Variants in WDHD1 observed in about 807,000 individuals in gnomAD.
WDHD1 encodes the protein WD repeat and HMG-box DNA-binding protein 1.
Under a neutral mutation model 135.4 loss-of-function variants are expected in WDHD1, and 111 were observed. The observed-to-expected ratio is 0.82, with a 90% CI of 0.70 to 0.96. The LOEUF is 0.96. Among genes scored for constraint, WDHD1 ranks in the 40% least tolerant of loss-of-function variants. The pLI is 0.00. For missense variants in WDHD1, 1,351 were observed against 1,336.3 expected, an observed-to-expected ratio of 1.01 and a Z score of -0.17; for synonymous variants, 434 against 439.0, an observed-to-expected ratio of 0.99 and a Z score of 0.14.
At position 55,010,370 on chromosome 14, in the gene WDHD1, T is replaced by G; in HGVS notation, c.280A>C (p.Thr94Pro). The part of the protein sequence containing the change: ...GVPDGILTRF[T>P]TNANHVVFNG... ...AAGACCACATGGTTTGCATTTGTAGTGAAGCGAGTCAATATACCATCTGGA... is the reference window on the plus strand; with the variant it reads ...AAGACCACATGGTTTGCATTTGTAGGGAAGCGAGTCAATATACCATCTGGA... The change falls in exon 4 of 26, where the codon ACT becomes CCT. Residue 94 changes from threonine (T) to proline (P), a missense_variant. By Grantham distance (38) the Thr-to-Pro change is conservative. Around this residue, in one of 2 missense-constraint regions of WDHD1, gnomAD observed 1,330 missense variants for 1,296.1 expected, o/e 1.03. Transcript: ENST00000360586. 6.2e-7 allele frequency: 1 copy of G among 1,613,676 alleles called. No homozygotes were observed. Among genetic ancestry groups the G allele is most frequent in the Non-Finnish European group, 8.5e-7 (1 of 1,179,804 alleles).
At chr14:54,949,428 G>T (rs1011863974) in intron 24 of WDHD1, among the ~76,000 whole-genome samples, 5 of 152,188 alleles carry the variant, frequency 3.3e-5, no homozygotes, top group Non-Finnish European at 5.9e-5. Flanking sequence ...TGAATGAAAT[G>T]AAGCGAGAAG....
chr14:54,970,357 A>G (rs1376277858), intron 16 of WDHD1, among the ~76,000 whole-genome samples: 2 of 152,240 alleles, frequency 1.3e-5, no homozygotes, highest in African/African-American at 4.8e-5. Flanking sequence ...GCATTTTTAT[A>G]CACCAATAAT....
chr14:55,008,769 T>G, intron 4 of WDHD1, 50 bp from the exon 5 acceptor site: 56 of 1,080,204 alleles, frequency 5.2e-5, no homozygotes, highest in Non-Finnish European at 7.1e-5. Flanking sequence ...CACAAAGGCC[T>G]CTCCTAAAAG....
At chr14:55,010,517 T>C in intron 3 of WDHD1, 57 bp from the exon 4 acceptor site, 1 of 1,376,036 alleles carries the variant, frequency 7.3e-7, no homozygotes, top group Non-Finnish European at 9.6e-7. Context: ...TGACTGGGAG[T>C]CTCTCCATAG....
In WDHD1 at chr14:54,991,221, T is replaced by C; in HGVS notation, c.1333A>G (p.Arg445Gly). Residue 445 changes from arginine (R) to glycine (G), a missense_variant, in exon 12 of 26, where the codon AGA becomes GGA. This residue lies in a region of WDHD1 where 1,330 missense variants were observed against 1,296.1 expected (regional missense o/e 1.03). Coordinates refer to ENST00000360586, the MANE Select transcript of WDHD1 (RefSeq NM_007086.4). ...SGSTPLHLTH[R>G]FMVWNSIGII... ...GTAGATCCAAGTCTTACCATGAATC[T>C]GTGAGTGAGATGCAACGGTGTAGAA... The C allele has an allele frequency of 6.4e-7, 1 of 1,564,472 alleles. No individual in the cohort carries two copies. Among genetic ancestry groups the C allele is most frequent in the Non-Finnish European group, 8.8e-7 (1 of 1,141,778 alleles).
intron 5 of WDHD1, 84 bp from the exon 6 acceptor site, chr14:55,008,450 C>T (rs2042110067): frequency 1.1e-5 from 17 of 1,502,362 alleles, no homozygotes; most frequent in Non-Finnish European, 1.5e-5. Context: ...ATCAAAAAGC[C>T]CTTTTATCAA....
At chr14:55,026,918 C>T (rs2042456388) in intron 1 of WDHD1, 110 bp downstream of exon 1, 3 of 963,612 alleles carry the variant, frequency 3.1e-6, no homozygotes, top group African/African-American at 1.6e-5. Context: ...GCCCGGTTTC[C>T]CCCACCCGAG....
chr14:54,954,553 T>C (rs1346852097), intron 24 of WDHD1, among the ~76,000 whole-genome samples: 1 of 152,222 alleles, frequency 6.6e-6, no homozygotes. Context: ...TGCAGTACTG[T>C]CTGTACTAGC....
At chr14:54,991,536 A>G in intron 11 of WDHD1, 136 bp from the exon 12 acceptor site, 1 of 840,690 alleles carries the variant, frequency 1.2e-6, no homozygotes. Context: ...TCACTGTGTT[A>G]AAGAGATGCA....
At chr14:55,011,137 A>G (rs1171446588) in intron 3 of WDHD1, among the ~76,000 whole-genome samples, 1 of 152,252 alleles carries the variant, frequency 6.6e-6, no homozygotes, top group Non-Finnish European at 1.5e-5. Flanking sequence ...CAGCAGCCTT[A>G]GTAAACTAAT....
At chr14:54,987,600 A>G (rs1490603475) in intron 13 of WDHD1, among the ~76,000 whole-genome samples, 2 of 152,128 alleles carry the variant, frequency 1.3e-5, no homozygotes, top group Non-Finnish European at 2.9e-5. Flanking sequence ...GCACATACAT[A>G]TATGTAAGTT....
intron 16 of WDHD1, among the ~76,000 whole-genome samples, chr14:54,969,646 G>C (rs2041400508): frequency 6.6e-6 from 1 of 152,082 alleles, no homozygotes. Flanking sequence ...CAAAGAACTG[G>C]TACCAGTCCT....
intron 24 of WDHD1, among the ~76,000 whole-genome samples, chr14:54,949,666 T>G (rs552171517): frequency 6.6e-6 from 1 of 151,930 alleles, no homozygotes; most frequent in South Asian, 2.1e-4. Context: ...ACAAAGATAC[T>G]CCTCGAGAAG....
rs1294213327 is a variant in WDHD1, at chr14:55,000,629, T to C, written c.816A>G (p.Lys272=). 1.9e-6 allele frequency: 3 copies of C among 1,569,778 alleles called. No individual in the cohort carries two copies. In the African/African-American group the frequency reaches 4.1e-5, roughly 21 times the overall value. The change falls in exon 10 of 26, where the codon AAA becomes AAG. Residue 272 remains lysine, a synonymous_variant. Coordinates refer to ENST00000360586, the MANE Select transcript of WDHD1 (RefSeq NM_007086.4). Reference sequence around the variant, plus strand: ...ATGCCAGACCACAAATTGCATAACCTTTCTCATGTTTCACCCTAAAAATTA... The same window carrying C: ...ATGCCAGACCACAAATTGCATAACCCTTCTCATGTTTCACCCTAAAAATTA... ...KDCMERVKHE[K]GYAICGLAWH...
In WDHD1 at chr14:54,967,327, A is replaced by C. The variant is rs773274484; in HGVS notation, c.2131T>G (p.Phe711Val). 5.6e-6 allele frequency: 9 copies of C among 1,612,556 alleles called. No homozygotes were observed. Among genetic ancestry groups the C allele is most frequent in the Admixed American group, 1.7e-5 (1 of 59,942 alleles). The change falls in exon 17 of 26, where the codon TTT becomes GTT. Residue 711 changes from phenylalanine (F) to valine (V), a missense_variant. Around this residue, in one of 2 missense-constraint regions of WDHD1, gnomAD observed 1,330 missense variants for 1,296.1 expected, o/e 1.03. Coordinates refer to ENST00000360586, the MANE Select transcript of WDHD1 (RefSeq NM_007086.4). ...GCAATCTGACAGTAAGGAAGCTTAA[A>C]GGATAATATAGCAACAGCAGGGCGT... ...LPRPAVAILS[F>V]KLPYCQIATE...
In WDHD1 at chr14:54,944,486, T is replaced by C. The variant is rs1185378375; in HGVS notation, c.3051-16A>G. The C allele has an allele frequency of 1.7e-5, 26 of 1,569,858 alleles. No homozygotes were observed. The highest frequency in any genetic ancestry group is 2.2e-5 in the Non-Finnish European group (26 of 1,166,650). On this transcript the variant is annotated splice_polypyrimidine_tract_variant and intron_variant, in intron 24 of 25. Coordinates refer to ENST00000360586, the MANE Select transcript of WDHD1 (RefSeq NM_007086.4). ...GGTCTTTGGCCTAAAATCACAATTA[T>C]GTGAAAACATTTTATACTTAAGACA... is the stretch of plus-strand genomic sequence containing the variant.
At chr14:54,993,126 G>GT (rs1457767716) in intron 11 of WDHD1, among the ~76,000 whole-genome samples, 3 of 151,874 alleles carry the variant, frequency 2.0e-5, no homozygotes, top group Non-Finnish European at 4.4e-5. Flanking sequence ...ATTTTATTTT[G>GT]TTTTTTTCTG....
At chr14:54,984,232 C>T (rs1244468811) in intron 15 of WDHD1, among the ~76,000 whole-genome samples, 1 of 152,170 alleles carries the variant, frequency 6.6e-6, no homozygotes, top group African/African-American at 2.4e-5. Context: ...CAGTGGCTCG[C>T]GCCTGTAATC....
At chr14:54,980,802 TAAAAA>T (rs375441329) in intron 16 of WDHD1, among the ~76,000 whole-genome samples, 1 of 83,598 alleles carries the variant, frequency 1.2e-5, no homozygotes, top group African/African-American at 4.8e-5. Flanking sequence ...AGACTCCACA[TAAAAA>T]AAAAAAAAAA....
Sources: allele counts gnomAD v4.1 joint callset (sites outside exome capture counted in the v4.1 genomes callset), GRCh38; gene constraint gnomAD v4.1.1; regional missense constraint gnomAD v4.1.1; transcripts MANE v1.5; gene names NCBI Gene and HGNC (gene_info 2026-07-23, HGNC 2026-07-21).